CPZ: variants seen among roughly 807,000 people sequenced by gnomAD.
The protein encoded by CPZ is carboxypeptidase Z.
In CPZ, 103 loss-of-function variants were observed where a neutral mutation model predicts 61.8. The ratio of observed to expected loss-of-function variants is 1.67; its 90% CI spans 1.42 to 1.96. CPZ has a LOEUF of 1.96. Ranked by LOEUF, CPZ falls within the 30% of genes most tolerant of loss-of-function variation. The pLI, the probability that CPZ is intolerant of heterozygous loss-of-function variation, is 0.00. For synonymous variants in CPZ, 551 were observed against 373.7 expected (o/e 1.47, Z -5.47); for missense variants, 1,461 against 914.9 (o/e 1.60, Z -7.70).
At chr4:8,616,306 TC>T (rs1716154281) in intron 9 of CPZ, among the ~76,000 whole-genome samples, 1 of 152,084 alleles carries the variant, frequency 6.6e-6, no homozygotes, top group African/African-American at 2.4e-5. Context: ...GTGGCAGCTC[TC>T]TTTCCCCACC....
rs375155430 is a variant in CPZ, at chr4:8,612,054, G to A, written c.1255G>A (p.Ala419Thr). 62 of 1,613,816 alleles carry A rather than the reference G, an allele frequency of 3.8e-5. No individual in the cohort carries two copies. In the East Asian group the frequency reaches 4.2e-4, roughly 11 times the overall value. ...GTTCAAGCTGCTGTCCAGAGCCTACGCTGACGTCCACCCCATGATGATGGA... is the reference window on the plus strand; with the variant it reads ...GTTCAAGCTGCTGTCCAGAGCCTACACTGACGTCCACCCCATGATGATGGA... ...KMFKLLSRAY[A>T]DVHPMMMDRS... Residue 419 changes from alanine (A) to threonine (T), a missense_variant, in exon 8 of 11, where the codon GCT becomes ACT. Ala to Thr is a moderately conservative substitution (Grantham distance 58). Transcript: ENST00000360986.
At chr4:8,601,647 T>G (rs1714585621) in intron 3 of CPZ, 150 bp downstream of exon 3, 1 of 865,796 alleles carries the variant, frequency 1.2e-6, no homozygotes, top group African/African-American at 1.7e-5. Flanking sequence ...CGAGGCAGCA[T>G]GTTCCCCACA....
At chr4:8,606,630 A>G (rs908727013) in intron 5 of CPZ, 107 bp from the exon 6 acceptor site, 9 of 1,414,958 alleles carry the variant, frequency 6.4e-6, no homozygotes, top group Non-Finnish European at 8.9e-6. Flanking sequence ...AAGCCGGGGG[A>G]AACCGCAGCC....
In CPZ at chr4:8,619,633, C is replaced by T. The variant is rs779569128; in HGVS notation, c.*16C>T. ...CAAGTACTAGCCCCGGCCCCAGCAC[C>T]CGCCAGGATGTGGAGACCGAGGCCC... On this transcript the variant is annotated 3_prime_UTR_variant, in exon 11 of 11. Transcript: ENST00000360986. The T allele has an allele frequency of 5.4e-6, 8 of 1,478,308 alleles. No homozygotes were observed. The highest frequency in any genetic ancestry group is 7.2e-6 in the Non-Finnish European group (8 of 1,115,920). 91.6% of individuals were successfully genotyped at this position (1,478,308 alleles called of 1,614,324 possible).
rs1161338296 is a variant in CPZ, at chr4:8,609,248, A to ATTTAC, written c.1227+1824_1227+1825insTTACT. 6.7e-3 allele frequency among the ~76,000 whole-genome samples: 442 copies of ATTTAC among 65,650 alleles called. 2 individuals are homozygous for ATTTAC. Among genetic ancestry groups the ATTTAC allele is most frequent in the African/African-American group, 0.034 (412 of 11,946 alleles). 43.1% of individuals were successfully genotyped at this position (65,650 alleles called of 152,430 possible). The stretch of plus-strand genomic sequence containing the variant: ...CTCACTCATTGTCACTCATTCACTC[A>ATTTAC]TCACTCACTCATTCTCTTATTCATT... On this transcript the variant is annotated intron_variant, in intron 7 of 10. Coordinates refer to ENST00000360986, the MANE Select transcript of CPZ (RefSeq NM_001014447.3).
intron 2 of CPZ, 39 bp downstream of exon 2, chr4:8,599,524 A>T (rs1291402759): frequency 1.2e-6 from 2 of 1,611,262 alleles, no homozygotes; most frequent in South Asian, 2.2e-5. Flanking sequence ...GTTCTGTAGG[A>T]GGGCTGCAGC....
At chr4:8,609,936 C>T (rs375427547) in intron 7 of CPZ, among the ~76,000 whole-genome samples, 7 of 152,176 alleles carry the variant, frequency 4.6e-5, no homozygotes, top group Admixed American at 2.0e-4. Context: ...TGGTGCCCTA[C>T]GGACGAGAGC....
intron 9 of CPZ, among the ~76,000 whole-genome samples, chr4:8,617,196 G>C (rs961952889): frequency 5.9e-5 from 9 of 152,300 alleles, no homozygotes; most frequent in East Asian, 1.9e-4. Flanking sequence ...GGTGGGATTA[G>C]AGTTCACATG....
chr4:8,606,439 T>C (rs1715011376), intron 5 of CPZ, among the ~76,000 whole-genome samples: 1 of 151,860 alleles, frequency 6.6e-6, no homozygotes. Context: ...GGTGCCCGTG[T>C]GTGTCAGCGG....
rs1351108420 is a variant in CPZ at position 8,619,424 on chromosome 4, A to C, written c.1766A>C (p.Lys589Thr). ...CTGCAACCTCTGGGGATGGGACCCAAGAACTTTATTCATGGGCTGCGGAGG... is the reference window on the plus strand; with the variant it reads ...CTGCAACCTCTGGGGATGGGACCCACGAACTTTATTCATGGGCTGCGGAGG... ...FILQPLGMGPKNFIHGLRRTG... is the reference protein window; with the variant it reads ...FILQPLGMGPTNFIHGLRRTG... The change falls in exon 11 of 11, where the codon AAG becomes ACG. Residue 589 changes from lysine to threonine, a missense_variant. By Grantham distance (78) the Lys-to-Thr change is moderately conservative. Coordinates refer to ENST00000360986, the MANE Select transcript of CPZ (RefSeq NM_001014447.3). The C allele has an allele frequency of 1.2e-6, 2 of 1,613,936 alleles. No homozygotes were observed. The highest frequency in any genetic ancestry group is 1.7e-6 in the Non-Finnish European group (2 of 1,179,978).
chr4:8,601,054 G>A (rs572231349), intron 2 of CPZ, 69 bp from the exon 3 acceptor site: 12 of 1,500,574 alleles, frequency 8.0e-6, no homozygotes, highest in Admixed American at 6.5e-5. Flanking sequence ...GGTCCCCTAC[G>A]TAAATGTCTG....
At chr4:8,611,092 TCACTC>T (rs1715636500) in intron 7 of CPZ, 4 of 392,782 alleles carry the variant, frequency 1.0e-5, no homozygotes, top group African/African-American at 6.7e-5. Context: ...GCTCATTCAC[TCACTC>T]ACTCACTCAC....
chr4:8,592,992 C>T, intron 1 of CPZ, 71 bp downstream of exon 1: 1 of 1,252,244 alleles, frequency 8.0e-7, no homozygotes, highest in South Asian at 1.4e-5. Context: ...TCCGTCGCTT[C>T]CCAGGGGCCC....
At chr4:8,607,115 C>T in intron 6 of CPZ, 152 bp from the exon 7 acceptor site, 3 of 1,080,662 alleles carry the variant, frequency 2.8e-6, no homozygotes, top group South Asian at 1.6e-5. Flanking sequence ...CGCAGGGGCC[C>T]AGTGATGGGG....
At chr4:8,611,730 G>C (rs1269082794) in intron 7 of CPZ, among the ~76,000 whole-genome samples, 1 of 151,894 alleles carries the variant, frequency 6.6e-6, no homozygotes, top group Non-Finnish European at 1.5e-5. Context: ...GTAACCTCAG[G>C]AGAGAAAGCC....
At chr4:8,612,659 A>C (rs985040157) in intron 8 of CPZ, among the ~76,000 whole-genome samples, 8 of 152,222 alleles carry the variant, frequency 5.3e-5, no homozygotes, top group African/African-American at 1.7e-4. Context: ...TTTATCTGCT[A>C]AATTTGCCCT....
In CPZ at chr4:8,601,199, G is replaced by A; in HGVS notation, c.198G>A (p.Gln66=). 6.2e-7 allele frequency: 1 copy of A among 1,613,032 alleles called. No individual in the cohort carries two copies. Residue 66 remains glutamine (Q), a synonymous_variant, in exon 3 of 11, where the codon CAG becomes CAA. Transcript: ENST00000360986. ...YNHTTFPNLL[Q]HRSWEVVEAS... is the part of the protein sequence containing the mutation. ...ACACCACCTTCCCCAACCTGCTTCA[G>A]CACCGGTCGTGGGAGGTGGTGGAGG... is the stretch of plus-strand genomic sequence containing the variant.
At chr4:8,614,537 G>T in intron 9 of CPZ, 39 bp downstream of exon 9, 2 of 1,602,118 alleles carry the variant, frequency 1.2e-6, no homozygotes, top group South Asian at 2.3e-5. Flanking sequence ...TCCAGCTGTG[G>T]CCTGGGTGGG....
At chr4:8,608,458 G>A (rs1715243021) in intron 7 of CPZ, among the ~76,000 whole-genome samples, 1 of 152,188 alleles carries the variant, frequency 6.6e-6, no homozygotes, top group South Asian at 2.1e-4. Context: ...CACATAGCTG[G>A]GCCCCTGGTT....
Sources: allele counts gnomAD v4.1 joint callset (sites outside exome capture counted in the v4.1 genomes callset), GRCh38; gene constraint gnomAD v4.1.1; transcripts MANE v1.5; gene names NCBI Gene and HGNC (gene_info 2026-07-23, HGNC 2026-07-21).